TMEM108: variants seen among roughly 807,000 people sequenced by gnomAD.
TMEM108 encodes transmembrane protein 108.
TMEM108 carries 12 observed loss-of-function variants against 35.1 expected under a neutral mutation model. That is an observed-to-expected ratio of 0.34 (90% CI 0.22 to 0.55). TMEM108 has a LOEUF of 0.55. Among genes scored for constraint, TMEM108 ranks in the 20% least tolerant of loss-of-function variants. TMEM108 has a pLI of 0.89. For synonymous variants in TMEM108, 287 were observed against 308.6 expected (o/e 0.93, Z 0.73); for missense variants, 680 against 753.3 (o/e 0.90, Z 1.14).
intron 2 of TMEM108, among the ~76,000 whole-genome samples, chr3:133,106,491 T>C (rs1944154955): frequency 1.3e-5 from 2 of 152,160 alleles, no homozygotes; most frequent in Admixed American, 6.5e-5. Flanking sequence ...AGAGCTAGCC[T>C]CCAGGGTGGC....
rs1307186314 is a variant in TMEM108 at position 133,040,259 on chromosome 3, A to T, written c.-166+1824A>T. On this transcript the variant is annotated intron_variant, in intron 1 of 5. Coordinates refer to ENST00000321871, the MANE Select transcript of TMEM108 (RefSeq NM_023943.4). ...CCGTCTGTCACCCAGGCTGGAGTGC[A>T]GTGGTGCGATCTCGGCTCACTGTAA... Among the ~76,000 whole-genome samples, 55 of 144,210 alleles carry T rather than the reference A, an allele frequency of 3.8e-4. 1 individual carries two copies. The Admixed American group carries it at 4.0e-3, about 10-fold the overall frequency. The allele number at this position is 144,210 out of a possible 152,430, so 94.6% of individuals were successfully genotyped here.
chr3:133,374,894 G>A lies in TMEM108; in HGVS notation c.41-4858G>A, dbSNP rs2072789293. On this transcript the variant is annotated intron_variant, in intron 3 of 5. Coordinates refer to ENST00000321871, the MANE Select transcript of TMEM108 (RefSeq NM_023943.4). ...GCTTTTGAATGGCAGAGCCCCCTGGGGAGATGGGTAGAGCAGAACAATAAA... is the reference window on the plus strand; with the variant it reads ...GCTTTTGAATGGCAGAGCCCCCTGGAGAGATGGGTAGAGCAGAACAATAAA... 2.6e-5 allele frequency among the ~76,000 whole-genome samples: 4 copies of A among 152,174 alleles called. No homozygotes were observed. In the South Asian group the frequency reaches 8.3e-4, roughly 32 times the overall value.
chr3:133,332,772 C>T (rs924304221), intron 3 of TMEM108, among the ~76,000 whole-genome samples: 1 of 152,236 alleles, frequency 6.6e-6, no homozygotes, highest in Non-Finnish European at 1.5e-5. Flanking sequence ...ATCATTCACA[C>T]TGCATAGCAT....
At chr3:133,264,723 T>G (rs1250176928) in intron 3 of TMEM108, among the ~76,000 whole-genome samples, 1 of 152,150 alleles carries the variant, frequency 6.6e-6, no homozygotes, top group Non-Finnish European at 1.5e-5. Context: ...TGCAAAGCAC[T>G]TACCATAAAA....
intron 2 of TMEM108, among the ~76,000 whole-genome samples, chr3:133,221,342 C>T (rs897509234): frequency 6.6e-6 from 1 of 151,934 alleles, no homozygotes; most frequent in East Asian, 1.9e-4. Flanking sequence ...TTTAGGAACT[C>T]TGTGTTGAAT....
At chr3:133,323,473 G>A (rs2071291653) in intron 3 of TMEM108, among the ~76,000 whole-genome samples, 1 of 152,190 alleles carries the variant, frequency 6.6e-6, no homozygotes, top group African/African-American at 2.4e-5. Context: ...AACCAGGGAG[G>A]TGAAAGATCT....
At chr3:133,348,341 T>C (rs980763062) in intron 3 of TMEM108, among the ~76,000 whole-genome samples, 2 of 151,872 alleles carry the variant, frequency 1.3e-5, no homozygotes, top group Non-Finnish European at 2.9e-5. Context: ...GGAGAATTAA[T>C]TACTTGGAAA....
At chr3:133,395,718 C>T (rs1211806048) in intron 5 of TMEM108, 146 bp from the exon 6 acceptor site, 3 of 706,724 alleles carry the variant, frequency 4.2e-6, no homozygotes, top group South Asian at 5.2e-5. Context: ...GAGGGCTGTG[C>T]ACCTCAGCAT....
chr3:133,207,143 T>G (rs1461244331), intron 2 of TMEM108, among the ~76,000 whole-genome samples: 1 of 152,036 alleles, frequency 6.6e-6, no homozygotes, highest in African/African-American at 2.4e-5. Flanking sequence ...AGGGCCCTGG[T>G]GTTGCGAAGA....
intron 3 of TMEM108, among the ~76,000 whole-genome samples, chr3:133,361,934 A>G (rs1559927464): frequency 6.6e-6 from 1 of 152,246 alleles, no homozygotes; most frequent in Non-Finnish European, 1.5e-5. Context: ...ATAACCTGGC[A>G]TAGTAGAAAA....
chr3:133,185,409 C>T (rs1235034729), intron 2 of TMEM108, among the ~76,000 whole-genome samples: 2 of 150,358 alleles, frequency 1.3e-5, no homozygotes, highest in Non-Finnish European at 2.9e-5. Context: ...GCCTTCACTT[C>T]TGCCTATCTC....
intron 4 of TMEM108, among the ~76,000 whole-genome samples, chr3:133,384,415 G>A (rs79814304): frequency 0.034 from 4,145 of 121,940 alleles, 95 homozygotes; most frequent in Non-Finnish European, 0.05. Context: ...TCCCAGGCCT[G>A]TGCAAGGAGG....
intron 2 of TMEM108, among the ~76,000 whole-genome samples, chr3:133,131,260 G>T (rs1039397519): frequency 1.3e-5 from 2 of 152,010 alleles, no homozygotes; most frequent in Non-Finnish European, 1.5e-5. Context: ...TATTATTCAA[G>T]ACACATTTCT....
rs1044947245 is a variant in TMEM108 at position 133,337,898 on chromosome 3, A to C, written c.41-41854A>C. ...AATCAAGCAGAAATACTGGAGTTGA[A>C]AAATGCAATTGACATGCTGAAGAAT... On this transcript the variant is annotated intron_variant, in intron 3 of 5. Coordinates refer to ENST00000321871, the MANE Select transcript of TMEM108 (RefSeq NM_023943.4). 2.0e-5 allele frequency among the ~76,000 whole-genome samples: 3 copies of C among 152,216 alleles called. No individual in the cohort carries two copies. In the South Asian group the frequency reaches 6.2e-4, roughly 32 times the overall value.
intron 2 of TMEM108, among the ~76,000 whole-genome samples, chr3:133,171,088 C>T (rs1243148070): frequency 2.6e-5 from 4 of 152,174 alleles, no homozygotes; most frequent in Admixed American, 6.5e-5. Flanking sequence ...CACCTAACTT[C>T]TCTCTCTGAC....
chr3:133,147,435 G>T (rs1466411373), intron 2 of TMEM108, among the ~76,000 whole-genome samples: 2 of 152,106 alleles, frequency 1.3e-5, no homozygotes, highest in Non-Finnish European at 2.9e-5. Flanking sequence ...ATTCTGACTG[G>T]TGTGAGATGG....
In TMEM108 at chr3:133,379,711, T is replaced by G. The variant is rs975338726; in HGVS notation, c.41-41T>G. On this transcript the variant is annotated intron_variant, in intron 3 of 5. Coordinates refer to ENST00000321871, the MANE Select transcript of TMEM108 (RefSeq NM_023943.4). Reference sequence around the variant, plus strand: ...AAGAAAGGCCCAGGCTGTATGCTGCTCCCCAAGTATTTTACCTCTTCTCTC... The same window carrying G: ...AAGAAAGGCCCAGGCTGTATGCTGCGCCCCAAGTATTTTACCTCTTCTCTC... 145 of 1,585,012 alleles carry G rather than the reference T, an allele frequency of 9.1e-5. No homozygotes were observed. The African/African-American group carries it at 1.8e-3, about 20-fold the overall frequency.
chr3:133,080,125 A>G (rs1457297911), intron 2 of TMEM108, among the ~76,000 whole-genome samples: 2 of 152,194 alleles, frequency 1.3e-5, no homozygotes, highest in African/African-American at 4.8e-5. Flanking sequence ...GCTTCCCTAC[A>G]CATGAAAAAG....
intron 2 of TMEM108, among the ~76,000 whole-genome samples, chr3:133,207,829 G>A (rs953152906): frequency 6.6e-6 from 1 of 152,092 alleles, no homozygotes; most frequent in African/African-American, 2.4e-5. Flanking sequence ...TTAGCCATTA[G>A]AATTCAAACA....
Sources: gnomAD v4.1 joint callset for allele counts (sites outside exome capture counted in the v4.1 genomes callset) on GRCh38, gnomAD v4.1.1 for gene constraint, MANE v1.5 for transcripts, NCBI Gene and HGNC (gene_info 2026-07-23, HGNC 2026-07-21) for gene names.